The following PTCHD1 variants were observed in gnomAD, a reference collection of about 807,000 sequenced individuals.
PTCHD1 encodes patched domain containing 1, also known as patched domain-containing protein 1.
Under a neutral mutation model 34.6 loss-of-function variants are expected in PTCHD1, and 3 were observed. That is an observed-to-expected ratio of 0.09 (90% CI 0.04 to 0.22). The LOEUF is 0.22. Among genes scored for constraint, PTCHD1 ranks in the 10% least tolerant of loss-of-function variants. The pLI is 1.00. For missense variants in PTCHD1, 504 were observed against 685.5 expected, an observed-to-expected ratio of 0.74 and a Z score of 2.96; for synonymous variants, 305 against 283.1, an observed-to-expected ratio of 1.08 and a Z score of -0.77.
intron 2 of PTCHD1, among the ~76,000 whole-genome samples, chrX:23,391,347 G>A (rs973498468): frequency 9.1e-6 from 1 of 110,115 alleles, no homozygotes; most frequent in Non-Finnish European, 1.9e-5. Flanking sequence ...GATAAGTCAT[G>A]TATGAATAAC....
At chrX:23,380,281 C>G (rs763853345) in intron 2 of PTCHD1, 30 bp downstream of exon 2, 1 of 1,176,096 alleles carries the variant, frequency 8.5e-7, no homozygotes, top group Non-Finnish European at 1.2e-6. Flanking sequence ...CTTCTGTTTC[C>G]GCCTGCTGGT....
Position 23,399,841 on chromosome X carries a change from A to G in PTCHD1, c.*5656A>G, listed in dbSNP as rs1923076760. 1 of 111,812 alleles carries G rather than the reference A, an allele frequency of 8.9e-6. No individual in the cohort carries two copies. The highest frequency in any genetic ancestry group is 3.3e-5 in the African/African-American group (1 of 30,710). The allele number at this position is 111,812 out of a possible 1,213,427, so 9.2% of individuals were successfully genotyped here. On this transcript the variant is annotated 3_prime_UTR_variant, in exon 3 of 3. Coordinates refer to ENST00000379361, the MANE Select transcript of PTCHD1 (RefSeq NM_173495.3). The stretch of plus-strand genomic sequence containing the variant: ...CTACCACATTCTCACTGTTGCAACA[A>G]ATTATATATAGCCTCAAATTTTCAG...
chrX:23,401,141 AGTGCT>A lies in PTCHD1; in HGVS notation c.*6958_*6962del, dbSNP rs1923113233. 9.1e-6 allele frequency: 1 copy of A among 110,174 alleles called. No individual in the cohort carries two copies. Among genetic ancestry groups the A allele is most frequent in the African/African-American group, 3.3e-5 (1 of 30,061 alleles). 9.1% of individuals were successfully genotyped at this position (110,174 alleles called of 1,213,427 possible). A position where few individuals can be genotyped will look rare whatever the true frequency, so the allele number is the denominator to read the frequency against. ...TGATCCACCCGCCTCGGCCTCCCAA[AGTGCT>A]GGGATTACAGGCGTGAGCCACCGTG... On this transcript the variant is annotated 3_prime_UTR_variant, in exon 3 of 3. Transcript: ENST00000379361.
At position 23,380,082 on chromosome X, in the gene PTCHD1, C is replaced by T; in HGVS notation, c.843C>T (p.Thr281=). The T allele has an allele frequency of 3.3e-6, 4 of 1,212,003 alleles. No homozygotes were observed. The highest frequency in any genetic ancestry group is 4.5e-6 in the Non-Finnish European group (4 of 895,501). Reference sequence around the variant, plus strand: ...TCACCAGCCTGATTCTGGTGGTTACCATGGCCATCCTGTGTTGCTCTATGC... The same window carrying T: ...TCACCAGCCTGATTCTGGTGGTTACTATGGCCATCCTGTGTTGCTCTATGC... ...YLVTSLILVV[T]MAILCCSMQD... is the part of the protein sequence containing the mutation. Residue 281 remains threonine, a synonymous_variant, in exon 2 of 3, where the codon ACC becomes ACT. Coordinates refer to ENST00000379361, the MANE Select transcript of PTCHD1 (RefSeq NM_173495.3).
rs1213568607 is a variant in PTCHD1 at position 23,393,485 on chromosome X, C to G, written c.1967C>G (p.Thr656Arg). 2 of 1,210,768 alleles carry G rather than the reference C, an allele frequency of 1.7e-6. No individual in the cohort carries two copies. The highest frequency in any genetic ancestry group is 3.5e-5 in the South Asian group (2 of 56,969). ...RMFLVAKTME[T>R]NREELYDLLE... Reference sequence around the variant, plus strand: ...TTTTTGGTGGCCAAGACCATGGAAACAAACAGAGAAGAACTCTATGATCTC... The same window carrying G: ...TTTTTGGTGGCCAAGACCATGGAAAGAAACAGAGAAGAACTCTATGATCTC... The change falls in exon 3 of 3, where the codon ACA becomes AGA. Residue 656 changes from threonine (T) to arginine (R), a missense_variant. Thr to Arg is a moderately conservative substitution (Grantham distance 71). Transcript: ENST00000379361.
At chrX:23,385,310 T>G (rs970712351) in intron 2 of PTCHD1, among the ~76,000 whole-genome samples, 1 of 111,548 alleles carries the variant, frequency 9.0e-6, no homozygotes, top group Non-Finnish European at 1.9e-5. Flanking sequence ...AGTTTTATTG[T>G]TCTATTTTTA....
chrX:23,373,696 G>A (rs1464328885), intron 1 of PTCHD1, among the ~76,000 whole-genome samples: 4 of 112,075 alleles, frequency 3.6e-5, no homozygotes, highest in South Asian at 3.7e-4. Flanking sequence ...GGGAGCTAGC[G>A]TAATTTATGA....
chrX:23,395,882 C>G lies in PTCHD1; in HGVS notation c.*1697C>G, dbSNP rs1392023841. 1 of 111,434 alleles carries G rather than the reference C, an allele frequency of 9.0e-6. No homozygotes were observed. Among genetic ancestry groups the G allele is most frequent in the Non-Finnish European group, 1.9e-5 (1 of 53,024 alleles). 9.2% of individuals were successfully genotyped at this position (111,434 alleles called of 1,213,427 possible). ...CTTCTGCAGAGGAGGAAACTGAGAC[C>G]TAGGAGAATAAAGTGACTCACTCAG... On this transcript the variant is annotated 3_prime_UTR_variant, in exon 3 of 3. Transcript: ENST00000379361.
intron 1 of PTCHD1, among the ~76,000 whole-genome samples, chrX:23,370,660 A>G (rs988198433): frequency 6.3e-5 from 7 of 111,787 alleles, no homozygotes; most frequent in African/African-American, 2.3e-4. Context: ...CATAATTTCC[A>G]TTGTTCTCAA....
chrX:23,345,754 T>C (rs911807628), intron 1 of PTCHD1, among the ~76,000 whole-genome samples: 1 of 111,825 alleles, frequency 8.9e-6, no homozygotes, highest in Non-Finnish European at 1.9e-5. Flanking sequence ...CTTCCAAAAA[T>C]GCAGTCTCTC....
intron 1 of PTCHD1, among the ~76,000 whole-genome samples, chrX:23,354,806 C>G (rs1387363973): frequency 9.2e-6 from 1 of 109,047 alleles, no homozygotes; most frequent in Non-Finnish European, 1.9e-5. Context: ...CTCTTGACCT[C>G]GTGATCACCC....
intron 1 of PTCHD1, 63 bp from the exon 2 acceptor site, chrX:23,379,528 C>A: frequency 8.9e-7 from 1 of 1,118,011 alleles, no homozygotes; most frequent in South Asian, 1.9e-5. Context: ...AATGTCCACC[C>A]TCTCCAAAAA....
At chrX:23,382,877 G>A (rs1922600810) in intron 2 of PTCHD1, among the ~76,000 whole-genome samples, 1 of 112,465 alleles carries the variant, frequency 8.9e-6, no homozygotes, top group Non-Finnish European at 1.9e-5. Flanking sequence ...GATGTAATGG[G>A]TGCTTAATAT....
At chrX:23,378,034 G>T (rs763128217) in intron 1 of PTCHD1, among the ~76,000 whole-genome samples, 2 of 111,825 alleles carry the variant, frequency 1.8e-5, no homozygotes, top group African/African-American at 6.5e-5. Flanking sequence ...CTATACTCTT[G>T]AGAGAGTCCA....
At chrX:23,359,776 G>T (rs925107272) in intron 1 of PTCHD1, among the ~76,000 whole-genome samples, 1 of 111,780 alleles carries the variant, frequency 8.9e-6, no homozygotes, top group African/African-American at 3.3e-5. Flanking sequence ...TATGATATTG[G>T]CTGTGGGTTT....
chrX:23,363,937 G>A (rs955844862), intron 1 of PTCHD1, among the ~76,000 whole-genome samples: 2 of 112,174 alleles, frequency 1.8e-5, no homozygotes, highest in African/African-American at 6.5e-5. Context: ...CAACCAAACT[G>A]GAAACAACCC....
rs1922932824 is a variant in PTCHD1, at chrX:23,394,448, A to ACACACACACACACC, written c.*266_*267insACACACACACCCAC. On this transcript the variant is annotated 3_prime_UTR_variant, in exon 3 of 3. Transcript: ENST00000379361. ...CACACACACACACACACACACACACACACCCTGGGAGACCTATAGTCTCTT... is the reference window on the plus strand; with the variant it reads ...CACACACACACACACACACACACACACACACACACACACCCACCCTGGGAGACCTATAGTCTCTT... 1.3e-5 allele frequency: 4 copies of ACACACACACACACC among 302,780 alleles called. No individual in the cohort carries two copies. The highest frequency in any genetic ancestry group is 2.3e-5 in the Non-Finnish European group (4 of 177,760). The allele number at this position is 302,780 out of a possible 1,213,427, so 25.0% of individuals were successfully genotyped here.
chrX:23,370,941 C>T (rs1922261159), intron 1 of PTCHD1, among the ~76,000 whole-genome samples: 1 of 111,147 alleles, frequency 9.0e-6, no homozygotes, highest in Non-Finnish European at 1.9e-5. Context: ...TCTTGGAAAC[C>T]AAACAAAATT....
chrX:23,335,711 G>A (rs1464490810), intron 1 of PTCHD1, among the ~76,000 whole-genome samples: 1 of 111,532 alleles, frequency 9.0e-6, no homozygotes, highest in Non-Finnish European at 1.9e-5. Context: ...TTGGGGAACG[G>A]TTGTTGGTGT....
Sources: allele counts gnomAD v4.1 joint callset (sites outside exome capture counted in the v4.1 genomes callset), GRCh38; gene constraint gnomAD v4.1.1; transcripts MANE v1.5; gene names NCBI Gene and HGNC (gene_info 2026-07-23, HGNC 2026-07-21).